Variants in ATG7 observed in about 807,000 individuals in gnomAD.
The protein encoded by ATG7 is ubiquitin-like modifier-activating enzyme ATG7.
ATG7 carries 70 observed loss-of-function variants against 82.4 expected under a neutral mutation model. That is an observed-to-expected ratio of 0.85 (90% CI 0.70 to 1.04). ATG7 has a LOEUF of 1.04. ATG7 is among the 50% of genes least tolerant of loss of function. The probability of loss-of-function intolerance (pLI) is 0.00; values close to 1 mark genes in which losing one functional copy is unlikely to be tolerated. For synonymous variants in ATG7, 287 were observed against 313.0 expected (o/e 0.92, Z 0.88); for missense variants, 792 against 864.3 (o/e 0.92, Z 1.05).
At chr3:11,414,447 TTTTA>T (rs1311110733) in intron 19 of ATG7, among the ~76,000 whole-genome samples, 1 of 152,190 alleles carries the variant, frequency 6.6e-6, no homozygotes, top group Admixed American at 6.5e-5. Flanking sequence ...CCAACAGTGT[TTTTA>T]TTTATTTGGA....
Position 11,511,203 on chromosome 3 carries a change from C to T in ATG7, c.2080-43608C>T, listed in dbSNP as rs562453172. Among the ~76,000 whole-genome samples, 6 of 152,296 alleles carry T rather than the reference C, an allele frequency of 3.9e-5. No individual in the cohort carries two copies. The East Asian group carries it at 1.2e-3, about 29-fold the overall frequency. On this transcript the variant is annotated intron_variant, in intron 20 of 20. Coordinates refer to ENST00000693202, the MANE Select transcript of ATG7 (RefSeq NM_001349232.2). The stretch of plus-strand genomic sequence containing the variant: ...AGCGGGTTGCCAATGCTGGCTCAGG[C>T]AGCCTGCTTTTATTCTCTTATCTGG...
chr3:11,317,324 G>A (rs1575407166), intron 9 of ATG7, among the ~76,000 whole-genome samples: 1 of 152,204 alleles, frequency 6.6e-6, no homozygotes, highest in Admixed American at 6.5e-5. Flanking sequence ...GTGTTTGGAA[G>A]CGACCGTAGG....
intron 19 of ATG7, among the ~76,000 whole-genome samples, chr3:11,384,186 CAGG>C (rs2078138044): frequency 6.6e-6 from 1 of 152,214 alleles, no homozygotes; most frequent in African/African-American, 2.4e-5. Context: ...CCTGCAGAGT[CAGG>C]AGCAGGACTG....
intron 20 of ATG7, among the ~76,000 whole-genome samples, chr3:11,444,282 A>G (rs755348116): frequency 6.6e-6 from 1 of 152,176 alleles, no homozygotes. Context: ...CCTGGGGTTC[A>G]TGTGCAGCAT....
chr3:11,503,755 CAAAAAAAA>C (rs34065629), intron 20 of ATG7, among the ~76,000 whole-genome samples: 6 of 76,962 alleles, frequency 7.8e-5, no homozygotes, highest in African/African-American at 3.0e-4. Flanking sequence ...GACTCTGTCT[CAAAAAAAA>C]AAAAAAAAAA....
intron 15 of ATG7, among the ~76,000 whole-genome samples, chr3:11,359,714 C>CA (rs1262655875): frequency 4.0e-5 from 6 of 150,960 alleles, no homozygotes; most frequent in East Asian, 3.9e-4. Flanking sequence ...CCCAAAGAAA[C>CA]AAAAAAACAA....
chr3:11,370,734 G>A (rs1316986044), intron 18 of ATG7, among the ~76,000 whole-genome samples: 1 of 151,134 alleles, frequency 6.6e-6, no homozygotes, highest in Non-Finnish European at 1.5e-5. Flanking sequence ...AAAGAAAGAG[G>A]AACCTTTCTA....
chr3:11,565,057 C>G, the ATG7 span: 1 of 1,455,582 alleles, frequency 6.9e-7, no homozygotes, highest in South Asian at 1.5e-5. This position sits in a 1 kb window ranked among gnomAD's most constrained non-coding sequence, Gnocchi z 4.1. Flanking sequence ...GGCGTTTTCT[C>G]AAAGGCAAAG....
chr3:11,419,149 A>G (rs967834609), intron 19 of ATG7, among the ~76,000 whole-genome samples: 1 of 152,246 alleles, frequency 6.6e-6, no homozygotes, highest in Non-Finnish European at 1.5e-5. Flanking sequence ...AGTAAGTATA[A>G]TGCTAAACAA....
At chr3:11,276,069 C>T (rs1021871731) in intron 1 of ATG7, among the ~76,000 whole-genome samples, 2 of 152,150 alleles carry the variant, frequency 1.3e-5, no homozygotes, top group African/African-American at 4.8e-5. Flanking sequence ...CCAAATAGGC[C>T]CTCAGCGTGG....
chr3:11,366,915 C>G (rs1367295209), intron 18 of ATG7, among the ~76,000 whole-genome samples: 1 of 151,404 alleles, frequency 6.6e-6, no homozygotes, highest in Non-Finnish European at 1.5e-5. Context: ...TGTTGGCCAT[C>G]TCTTCATTTG....
intron 9 of ATG7, among the ~76,000 whole-genome samples, chr3:11,326,578 G>A (rs1331884944): frequency 4.6e-5 from 7 of 152,194 alleles, no homozygotes; most frequent in East Asian, 1.9e-4. Context: ...GATTACAGGC[G>A]TGAGCCACTG....
At chr3:11,542,319 C>T (rs2070896128) in intron 20 of ATG7, among the ~76,000 whole-genome samples, 1 of 152,200 alleles carries the variant, frequency 6.6e-6, no homozygotes, top group African/African-American at 2.4e-5. Flanking sequence ...CCAAATATAG[C>T]GGGACCCTGA....
chr3:11,434,459 A>AT (rs1479623352), intron 20 of ATG7, among the ~76,000 whole-genome samples: 1 of 151,950 alleles, frequency 6.6e-6, no homozygotes, highest in Admixed American at 6.6e-5. Context: ...CCCTGCCTTG[A>AT]TTTTTCCTTA....
intron 2 of ATG7, among the ~76,000 whole-genome samples, chr3:11,281,746 C>T (rs902951281): frequency 6.0e-5 from 9 of 149,042 alleles, no homozygotes; most frequent in African/African-American, 2.2e-4. Flanking sequence ...TGCACTCTAA[C>T]CTGGGCAACA....
chr3:11,400,927 T>C (rs980150120), intron 19 of ATG7, among the ~76,000 whole-genome samples: 1 of 152,088 alleles, frequency 6.6e-6, no homozygotes, highest in Non-Finnish European at 1.5e-5. Context: ...AGGGATTGAG[T>C]AAAACTGCTA....
At chr3:11,313,210 A>G (rs1303954058) in intron 7 of ATG7, 94 bp from the exon 8 acceptor site, 17 of 720,126 alleles carry the variant, frequency 2.4e-5, no homozygotes, top group Middle Eastern at 7.7e-4. Context: ...TAGCTTTGCT[A>G]TCTTAATTGG....
At chr3:11,508,667 T>TCTCCAACTCTTGGG (rs2091879985) in intron 20 of ATG7, among the ~76,000 whole-genome samples, 1 of 152,130 alleles carries the variant, frequency 6.6e-6, no homozygotes, top group Admixed American at 6.5e-5. Context: ...CCCAGGCTGG[T>TCTCCAACTCTTGGG]CTCCAACTCT....
chr3:11,373,182 G>A (rs2077157431), intron 18 of ATG7, among the ~76,000 whole-genome samples: 1 of 151,642 alleles, frequency 6.6e-6, no homozygotes, highest in Non-Finnish European at 1.5e-5. Context: ...AACTCCAAAA[G>A]GTAGAAAATT....
Sources: allele counts gnomAD v4.1 joint callset (sites outside exome capture counted in the v4.1 genomes callset), GRCh38; gene constraint gnomAD v4.1.1; non-coding constraint Gnocchi (gnomAD v3.1); transcripts MANE v1.5; gene names NCBI Gene and HGNC (gene_info 2026-07-23, HGNC 2026-07-21).